GSDMC: variants seen among roughly 807,000 people sequenced by gnomAD.
GSDMC encodes gasdermin C, also known as gasdermin-C.
GSDMC carries 59 observed loss-of-function variants against 58.0 expected under a neutral mutation model. The ratio of observed to expected loss-of-function variants is 1.02; its 90% confidence interval spans 0.82 to 1.26. GSDMC has a LOEUF of 1.26. GSDMC is among the 50% of genes most tolerant of loss of function. The pLI is 0.00. For missense variants in GSDMC, 659 were observed against 598.5 expected (o/e 1.10, Z -1.06); for synonymous variants, 241 against 220.2 (o/e 1.09, Z -0.83).
the GSDMC span, among the ~76,000 whole-genome samples, chr8:129,718,131 A>C: frequency 6.6e-6 from 1 of 152,228 alleles, no homozygotes; most frequent in Admixed American, 6.5e-5. Context: ...TTCATGACTA[A>C]AACACAAAAA....
At chr8:129,736,343 G>A in the GSDMC span, among the ~76,000 whole-genome samples, 2 of 152,128 alleles carry the variant, frequency 1.3e-5, no homozygotes, top group South Asian at 4.1e-4. Flanking sequence ...CAAAAAAAGA[G>A]AATTTTAGAC....
chr8:129,773,473 C>T (rs2034124121), intron 3 of GSDMC, among the ~76,000 whole-genome samples: 1 of 152,048 alleles, frequency 6.6e-6, no homozygotes, highest in Admixed American at 6.5e-5. Context: ...TATAAATTAA[C>T]AATGAACTAT....
the GSDMC span, among the ~76,000 whole-genome samples, chr8:129,713,276 C>A: frequency 2.1e-3 from 315 of 152,324 alleles, 3 homozygotes; most frequent in African/African-American, 7.3e-3. Context: ...TACAACTTCA[C>A]AGCTGTGTGT....
downstream of GSDMC, among the ~76,000 whole-genome samples, chr8:129,747,256 C>CAA (rs35323267): frequency 7.4e-6 from 1 of 134,528 alleles, no homozygotes; most frequent in South Asian, 2.3e-4. Context: ...GACTCTGTCT[C>CAA]AAAAAAAAAA....
chr8:129,766,901 G>A (rs1053283065), intron 3 of GSDMC, among the ~76,000 whole-genome samples: 1 of 152,144 alleles, frequency 6.6e-6, no homozygotes, highest in Admixed American at 6.5e-5. Flanking sequence ...GGCATCGGCA[G>A]GACTAGACCA....
chr8:129,716,071 T>C, the GSDMC span, among the ~76,000 whole-genome samples: 4 of 152,142 alleles, frequency 2.6e-5, no homozygotes, highest in Admixed American at 2.6e-4. Flanking sequence ...AAAAAATTAC[T>C]CATTCCGAAA....
At position 129,751,846 on chromosome 8, in the gene GSDMC, G is replaced by A; in HGVS notation, c.916+16C>T. On this transcript the variant is annotated intron_variant, in intron 9 of 13. Transcript: ENST00000276708. ...GATGGGATCCCCACCCCCACCTCCA[G>A]CAAACTCACACTCACCTACTGGGAG... 5 of 1,304,076 alleles carry A rather than the reference G, an allele frequency of 3.8e-6. No individual in the cohort carries two copies. Among genetic ancestry groups the A allele is most frequent in the Non-Finnish European group, 5.6e-6 (5 of 900,274 alleles). 80.8% of individuals were successfully genotyped at this position (1,304,076 alleles called of 1,614,324 possible).
the GSDMC span, among the ~76,000 whole-genome samples, chr8:129,723,556 G>A: frequency 8.6e-5 from 13 of 151,332 alleles, no homozygotes; most frequent in East Asian, 7.8e-4. Context: ...ATGAGCCACC[G>A]CGCCTGGCCG....
chr8:129,722,966 G>A, the GSDMC span: 3 of 152,160 alleles, frequency 2.0e-5, no homozygotes, highest in African/African-American at 7.2e-5. Context: ...AAACAAGAGG[G>A]AGGTACTCAC....
chr8:129,721,278 T>C, the GSDMC span, among the ~76,000 whole-genome samples: 3 of 152,184 alleles, frequency 2.0e-5, no homozygotes, highest in Non-Finnish European at 2.9e-5. Context: ...CAGCTATCAA[T>C]AGCAACCCAA....
At chr8:129,728,164 G>T in the GSDMC span, among the ~76,000 whole-genome samples, 1 of 152,114 alleles carries the variant, frequency 6.6e-6, no homozygotes, top group Non-Finnish European at 1.5e-5. Flanking sequence ...GGCTTGCCCA[G>T]ATCAGCAGCC....
At chr8:129,716,129 G>A in the GSDMC span, among the ~76,000 whole-genome samples, 1 of 152,204 alleles carries the variant, frequency 6.6e-6, no homozygotes, top group African/African-American at 2.4e-5. Context: ...TTTAAAAAGT[G>A]GCAAGATGAT....
chr8:129,736,950 T>G, the GSDMC span, among the ~76,000 whole-genome samples: 1 of 152,204 alleles, frequency 6.6e-6, no homozygotes, highest in Non-Finnish European at 1.5e-5. Context: ...AGTCTCAGGA[T>G]ATCAAATCAA....
At chr8:129,733,894 T>G in the GSDMC span, among the ~76,000 whole-genome samples, 4 of 152,162 alleles carry the variant, frequency 2.6e-5, no homozygotes, top group Admixed American at 2.6e-4. Flanking sequence ...AAGGAGGATG[T>G]TCAAACCCAT....
intron 4 of GSDMC, among the ~76,000 whole-genome samples, chr8:129,764,835 C>T (rs554845305): frequency 1.5e-4 from 23 of 152,294 alleles, no homozygotes; most frequent in Non-Finnish European, 2.6e-4. Context: ...CTAGTGCCTC[C>T]GATTCCTGAA....
At chr8:129,770,747 T>C (rs12681935) in intron 3 of GSDMC, among the ~76,000 whole-genome samples, 7,945 of 151,962 alleles carry the variant, frequency 0.052, 314 homozygotes, top group East Asian at 0.2. Flanking sequence ...ATAAAAGTCA[T>C]AAAACAATTA....
downstream of GSDMC, among the ~76,000 whole-genome samples, chr8:129,744,320 C>G (rs2032921444): frequency 6.6e-6 from 1 of 152,114 alleles, no homozygotes; most frequent in Non-Finnish European, 1.5e-5. Context: ...AGCAGATTCA[C>G]TAAAAGCTAT....
intron 3 of GSDMC, among the ~76,000 whole-genome samples, chr8:129,768,761 A>G (rs1428027547): frequency 6.6e-6 from 1 of 152,188 alleles, no homozygotes; most frequent in Non-Finnish European, 1.5e-5. Flanking sequence ...TAAGAGAGTG[A>G]GAAAGAGATA....
At chr8:129,729,337 T>C in the GSDMC span, 1 of 481,794 alleles carries the variant, frequency 2.1e-6, no homozygotes, top group Non-Finnish European at 3.9e-6. Flanking sequence ...ATACTTTAAG[T>C]TCTAGGGTAC....
Sources: allele counts gnomAD v4.1 joint callset (sites outside exome capture counted in the v4.1 genomes callset), GRCh38; gene constraint gnomAD v4.1.1; transcripts MANE v1.5; gene names NCBI Gene and HGNC (gene_info 2026-07-23, HGNC 2026-07-21).